CDK12: variants seen among roughly 807,000 people sequenced by gnomAD.
CDK12 encodes the protein cyclin-dependent kinase 12.
In CDK12, 17 loss-of-function variants were observed where a neutral mutation model predicts 133.8. The ratio of observed to expected loss-of-function variants is 0.13; its 90% CI spans 0.09 to 0.19. CDK12 has a LOEUF of 0.19. Among genes scored for constraint, CDK12 ranks in the 10% least tolerant of loss-of-function variants. CDK12 has a pLI of 1.00. For synonymous variants in CDK12, 694 were observed against 683.6 expected, an observed-to-expected ratio of 1.02 and a Z score of -0.24; for missense variants, 1,508 against 1,818.7, an observed-to-expected ratio of 0.83 and a Z score of 3.11.
chr17:39,481,641 T>G (rs1331490227), intron 2 of CDK12, among the ~76,000 whole-genome samples: 73 of 6,728 alleles, frequency 0.011, 5 homozygotes, highest in Admixed American at 0.024. Flanking sequence ...GCGCTCTCTC[T>G]CTCTCTCTCT....
In CDK12 at chr17:39,471,478, C is replaced by T. The variant is rs2145203578; in HGVS notation, c.1646C>T (p.Pro549Leu). The change falls in exon 2 of 14, where the codon CCC (proline) becomes CTC (leucine). Residue 549 changes from proline to leucine, a missense_variant. By Grantham distance (98) the Pro-to-Leu change is moderately conservative. Transcript: ENST00000447079. ...ACTACTACCCCTCCACCTCAGACACCCCCTTTGCCACCTTTGCCTCCAATA... is the reference window on the plus strand; with the variant it reads ...ACTACTACCCCTCCACCTCAGACACTCCCTTTGCCACCTTTGCCTCCAATA... Reference protein sequence around the residue: ...LPTTTPPPQTPPLPPLPPIPA... With the variant: ...LPTTTPPPQTLPLPPLPPIPA... 1 of 1,613,770 alleles carries T rather than the reference C, an allele frequency of 6.2e-7. No individual in the cohort carries two copies. The highest frequency in any genetic ancestry group is 8.5e-7 in the Non-Finnish European group (1 of 1,179,914).
rs545929631 is a variant in CDK12 at position 39,472,611 on chromosome 17, T to C, written c.1931+848T>C. 7.8e-4 allele frequency among the ~76,000 whole-genome samples: 118 copies of C among 151,464 alleles called. 1 individual carries two copies. Among genetic ancestry groups the C allele is most frequent in the African/African-American group, 2.7e-3 (111 of 41,302 alleles). On this transcript the variant is annotated intron_variant, in intron 2 of 13. Transcript: ENST00000447079. ...ATTGCTTGAACCCAGGATATGGAGG[T>C]TGCAGCGAGCCAAGATTGCATATTG...
In CDK12 at chr17:39,532,530, A is replaced by C. The variant is rs959911525; in HGVS notation, c.*1214A>C. On this transcript the variant is annotated 3_prime_UTR_variant, in exon 14 of 14. Transcript: ENST00000447079. ...TCAAAGAGAAAAACAAATCCTGAAG[A>C]TACATGGAAATGTAACCTAGTTTAG... 4 of 232,054 alleles carry C rather than the reference A, an allele frequency of 1.7e-5. No homozygotes were observed. The highest frequency in any genetic ancestry group is 5.6e-5 in the Admixed American group (1 of 17,738). 14.4% of individuals were successfully genotyped at this position (232,054 alleles called of 1,614,324 possible).
intron 12 of CDK12, 87 bp downstream of exon 12, chr17:39,524,972 CTG>C: frequency 3.4e-6 from 4 of 1,183,428 alleles, no homozygotes; most frequent in Non-Finnish European, 4.7e-6. Flanking sequence ...GTGTGTGTGT[CTG>C]TTTTTTAGTT....
chr17:39,517,395 GT>G (rs778982170), intron 9 of CDK12, 44 bp from the exon 10 acceptor site: 7 of 1,075,982 alleles, frequency 6.5e-6, no homozygotes, highest in Non-Finnish European at 1.0e-5. Context: ...AATTCATGAT[GT>G]TGACTCACTC....
chr17:39,521,536 T>C (rs1333008736), intron 11 of CDK12, among the ~76,000 whole-genome samples: 1 of 151,998 alleles, frequency 6.6e-6, no homozygotes, highest in Non-Finnish European at 1.5e-5. Context: ...GTGCCGGGAT[T>C]ACAGATGTGA....
At position 39,531,460 on chromosome 17, in the gene CDK12, A is replaced by T; in HGVS notation, c.*144A>T. On this transcript the variant is annotated 3_prime_UTR_variant, in exon 14 of 14. Coordinates refer to ENST00000447079, the MANE Select transcript of CDK12 (RefSeq NM_016507.4). ...AAGCTGTCCGTTGTATTCCTTGCTC[A>T]CTTGCTACTAGCAGGCGACTTACGA... 1 of 748,542 alleles carries T rather than the reference A, an allele frequency of 1.3e-6. No individual in the cohort carries two copies. The highest frequency in any genetic ancestry group is 1.9e-6 in the Non-Finnish European group (1 of 524,330). The allele number at this position is 748,542 out of a possible 1,614,324, so 46.4% of individuals were successfully genotyped here. A position where few individuals can be genotyped will look rare whatever the true frequency, so the allele number is the denominator to read the frequency against.
chr17:39,493,404 G>A (rs1410253596), intron 4 of CDK12, among the ~76,000 whole-genome samples: 1 of 152,008 alleles, frequency 6.6e-6, no homozygotes, highest in Non-Finnish European at 1.5e-5. Flanking sequence ...TGCCTCCTGG[G>A]TTCAAGCGAT....
chr17:39,518,957 A>G (rs546442642), intron 10 of CDK12, among the ~76,000 whole-genome samples: 1 of 152,186 alleles, frequency 6.6e-6, no homozygotes, highest in African/African-American at 2.4e-5. Flanking sequence ...GCCAGAGTGC[A>G]GTGGCATCAT....
chr17:39,465,682 G>A (rs1328319341), intron 1 of CDK12, among the ~76,000 whole-genome samples: 2 of 151,834 alleles, frequency 1.3e-5, no homozygotes, highest in African/African-American at 2.4e-5. Flanking sequence ...GTAGAGACAG[G>A]GCTTTACCAT....
At chr17:39,536,017 G>A (rs551436808), downstream of CDK12, among the ~76,000 whole-genome samples, 4 of 152,200 alleles carry the variant, frequency 2.6e-5, no homozygotes, top group African/African-American at 9.6e-5. Flanking sequence ...CTGTCCAGGT[G>A]TGACAGTTCT....
At chr17:39,518,652 A>G (rs530915889) in intron 10 of CDK12, among the ~76,000 whole-genome samples, 2 of 151,798 alleles carry the variant, frequency 1.3e-5, no homozygotes, top group African/African-American at 2.4e-5. Flanking sequence ...TTCGTCTCCC[A>G]GGTTCAAGGA....
At chr17:39,483,268 C>CT (rs879881959) in intron 2 of CDK12, among the ~76,000 whole-genome samples, 101 of 143,520 alleles carry the variant, frequency 7.0e-4, no homozygotes, top group Admixed American at 2.0e-3. Context: ...TGTTTCTTTT[C>CT]TTTTTTTTTT....
chr17:39,531,483 C>A lies in CDK12; in HGVS notation c.*167C>A. ...TCACTTGCTACTAGCAGGCGACTTA[C>A]GAAATAATGATGTTGGCACCAGTTC... On this transcript the variant is annotated 3_prime_UTR_variant, in exon 14 of 14. Transcript: ENST00000447079. The A allele has an allele frequency of 1.8e-6, 1 of 560,330 alleles. No homozygotes were observed. Among genetic ancestry groups the A allele is most frequent in the Non-Finnish European group, 2.8e-6 (1 of 357,610 alleles). 34.7% of individuals were successfully genotyped at this position (560,330 alleles called of 1,614,324 possible). A position where few individuals can be genotyped will look rare whatever the true frequency, so the allele number is the denominator to read the frequency against.
chr17:39,557,729 G>A (rs984252341), intron 3 of CDK12, among the ~76,000 whole-genome samples: 2 of 152,126 alleles, frequency 1.3e-5, no homozygotes, highest in Admixed American at 6.5e-5. Flanking sequence ...ACTTTTCCAG[G>A]CCTCTTCCAG....
chr17:39,468,798 A>T (rs1339773496), intron 1 of CDK12, among the ~76,000 whole-genome samples: 1 of 148,094 alleles, frequency 6.8e-6, no homozygotes, highest in Non-Finnish European at 1.5e-5. Flanking sequence ...TATTTTAATT[A>T]ATTAATTAAT....
intron 2 of CDK12, among the ~76,000 whole-genome samples, chr17:39,485,118 T>C (rs1333777047): frequency 7.0e-6 from 1 of 142,356 alleles, no homozygotes; most frequent in Non-Finnish European, 1.5e-5. Flanking sequence ...TGCAGTGAGC[T>C]GAGATCGCGC....
intron 3 of CDK12, among the ~76,000 whole-genome samples, chr17:39,562,086 C>T (rs1199275806): frequency 1.3e-5 from 2 of 151,996 alleles, no homozygotes; most frequent in African/African-American, 4.8e-5. Context: ...ATTACAGGCG[C>T]GCACCTCCAT....
Position 39,531,097 on chromosome 17 carries a change from A to G in CDK12, c.4254A>G (p.Gln1418=), listed in dbSNP as rs1257507656. The change falls in exon 14 of 14, where the codon CAA becomes CAG. Residue 1418 remains glutamine (Q), a synonymous_variant. Coordinates refer to ENST00000447079, the MANE Select transcript of CDK12 (RefSeq NM_016507.4). The part of the protein sequence containing the change: ...VPLALHPVVG[Q]PFLKAEGSSN... ...TAGCGTTACACCCGGTGGTCGGGCAACCATTCCTGAAGGCTGAGGGAAGCA... is the reference window on the plus strand; with the variant it reads ...TAGCGTTACACCCGGTGGTCGGGCAGCCATTCCTGAAGGCTGAGGGAAGCA... 1.3e-6 allele frequency: 2 copies of G among 1,591,254 alleles called. No homozygotes were observed. The highest frequency in any genetic ancestry group is 1.7e-6 in the Non-Finnish European group (2 of 1,170,012).
Sources: gnomAD v4.1 joint callset for allele counts (sites outside exome capture counted in the v4.1 genomes callset) on GRCh38, gnomAD v4.1.1 for gene constraint, MANE v1.5 for transcripts, NCBI Gene and HGNC (gene_info 2026-07-23, HGNC 2026-07-21) for gene names.